The following SGCZ variants were observed in gnomAD, a reference collection of about 807,000 sequenced individuals.
SGCZ encodes zeta-sarcoglycan.
In SGCZ, 40 loss-of-function variants were observed where a neutral mutation model predicts 41.3. The ratio of observed to expected loss-of-function variants is 0.97; its 90% CI spans 0.75 to 1.26. The LOEUF (loss-of-function observed/expected upper bound fraction) is 1.26, where lower values mean the gene tolerates loss of function less well. Among genes scored for constraint, SGCZ ranks in the 50% most tolerant of loss-of-function variants. SGCZ has a pLI of 0.00. For synonymous variants in SGCZ, 206 were observed against 137.5 expected (o/e 1.50, Z -3.49); for missense variants, 552 against 369.8 (o/e 1.49, Z -4.04).
intron 1 of SGCZ, among the ~76,000 whole-genome samples, chr8:15,120,193 C>T (rs947626231): frequency 6.6e-5 from 10 of 152,116 alleles, no homozygotes; most frequent in Middle Eastern, 3.2e-3. Context: ...TGCCAATGAA[C>T]GAATGATAAA....
chr8:14,151,303 A>G (rs1803701675), intron 5 of SGCZ, among the ~76,000 whole-genome samples: 1 of 152,116 alleles, frequency 6.6e-6, no homozygotes, highest in Admixed American at 6.6e-5. Context: ...TATGCATACT[A>G]TATGCCAAAG....
chr8:14,347,187 G>A lies in SGCZ; in HGVS notation c.235-22983C>T, dbSNP rs556425183. ...CTACTCATTTTTCTTAGAAGTCTAC[G>A]ATCTAACATTTGATAGAGCCTGGCA... On this transcript the variant is annotated intron_variant, in intron 2 of 7. Coordinates refer to ENST00000382080, the MANE Select transcript of SGCZ (RefSeq NM_139167.4). Among the ~76,000 whole-genome samples the A allele has an allele frequency of 2.6e-5, 4 of 152,026 alleles. No homozygotes were observed. The East Asian group carries it at 7.8e-4, about 29-fold the overall frequency.
intron 1 of SGCZ, among the ~76,000 whole-genome samples, chr8:14,799,929 G>A (rs1479352793): frequency 6.6e-6 from 1 of 152,076 alleles, no homozygotes; most frequent in Non-Finnish European, 1.5e-5. Flanking sequence ...GCCTTTCGTT[G>A]ATAAGTATTA....
intron 5 of SGCZ, among the ~76,000 whole-genome samples, chr8:14,158,937 T>G (rs1386383141): frequency 1.3e-5 from 2 of 152,016 alleles, no homozygotes; most frequent in Non-Finnish European, 2.9e-5. Context: ...CTGGCTAATT[T>G]TTGTAGTTTT....
chr8:15,007,708 T>C (rs1428878844), intron 1 of SGCZ, among the ~76,000 whole-genome samples: 2 of 152,200 alleles, frequency 1.3e-5, no homozygotes, highest in African/African-American at 2.4e-5. Context: ...AGCATGCATG[T>C]GTCATAATAT....
At chr8:14,648,992 T>C (rs1023878184) in intron 1 of SGCZ, among the ~76,000 whole-genome samples, 1 of 152,116 alleles carries the variant, frequency 6.6e-6, no homozygotes, top group Admixed American at 6.6e-5. Context: ...TTTATACTTT[T>C]TCCCCCAACA....
At chr8:14,864,236 C>T (rs908040301) in intron 1 of SGCZ, among the ~76,000 whole-genome samples, 1 of 151,646 alleles carries the variant, frequency 6.6e-6, no homozygotes, top group Admixed American at 6.6e-5. Flanking sequence ...CCACCACTTA[C>T]ATGTTTCCTA....
chr8:14,775,849 T>C (rs1800386096), intron 1 of SGCZ, among the ~76,000 whole-genome samples: 1 of 152,122 alleles, frequency 6.6e-6, no homozygotes, highest in Admixed American at 6.5e-5. Flanking sequence ...AAACAGAACA[T>C]CTTTAATGTG....
intron 1 of SGCZ, among the ~76,000 whole-genome samples, chr8:14,746,283 T>A (rs2130299664): frequency 6.6e-6 from 1 of 152,212 alleles, no homozygotes; most frequent in Middle Eastern, 3.4e-3. Context: ...TACACAAGAT[T>A]TTTCACGTTC....
intron 1 of SGCZ, among the ~76,000 whole-genome samples, chr8:14,588,022 A>G (rs765474366): frequency 1.3e-5 from 2 of 152,148 alleles, no homozygotes; most frequent in Admixed American, 6.5e-5. Flanking sequence ...AAGTTGAGCG[A>G]TAATATTAGA....
chr8:14,678,886 G>C (rs549918862), intron 1 of SGCZ, among the ~76,000 whole-genome samples: 4 of 152,262 alleles, frequency 2.6e-5, no homozygotes, highest in South Asian at 4.1e-4. Flanking sequence ...AAAAGATATA[G>C]AGAAAACTTA....
chr8:14,849,588 G>A (rs1803246262), intron 1 of SGCZ, among the ~76,000 whole-genome samples: 1 of 152,102 alleles, frequency 6.6e-6, no homozygotes, highest in Admixed American at 6.6e-5. Flanking sequence ...TGAAGAAAAT[G>A]CAAACTAATC....
chr8:14,571,685 C>G (rs1804560038), intron 1 of SGCZ, among the ~76,000 whole-genome samples: 1 of 152,144 alleles, frequency 6.6e-6, no homozygotes, highest in Non-Finnish European at 1.5e-5. Context: ...GCCTAATGAT[C>G]TGAAAAGGCC....
chr8:14,948,482 G>A (rs1438358529), intron 1 of SGCZ, among the ~76,000 whole-genome samples: 1 of 152,054 alleles, frequency 6.6e-6, no homozygotes, highest in African/African-American at 2.4e-5. Flanking sequence ...GAGAGAGAGA[G>A]AGAGAGAGAG....
Position 14,087,476 on chromosome 8 carries a change from T to G in SGCZ, c.*2967A>C, listed in dbSNP as rs754820673. Reference sequence around the variant, plus strand: ...AAAACTACCAACCTCTTTTTCTTCTTCCGTTTGTTCCTTCCTGGCGTACAC... The same window carrying G: ...AAAACTACCAACCTCTTTTTCTTCTGCCGTTTGTTCCTTCCTGGCGTACAC... On this transcript the variant is annotated 3_prime_UTR_variant, in exon 8 of 8. Coordinates refer to ENST00000382080, the MANE Select transcript of SGCZ (RefSeq NM_139167.4). Among the ~76,000 whole-genome samples, 2 of 151,614 alleles carry G rather than the reference T, an allele frequency of 1.3e-5. No homozygotes were observed. The highest frequency in any genetic ancestry group is 3.0e-5 in the Non-Finnish European group (2 of 67,738).
chr8:15,236,260 T>A (rs1802115351), intron 1 of SGCZ, among the ~76,000 whole-genome samples: 1 of 152,154 alleles, frequency 6.6e-6, no homozygotes, highest in Admixed American at 6.5e-5. Flanking sequence ...TCCCCGTCTA[T>A]GCAATCTGGG....
intron 1 of SGCZ, among the ~76,000 whole-genome samples, chr8:15,026,875 A>T (rs1451814685): frequency 6.6e-6 from 1 of 152,182 alleles, no homozygotes; most frequent in Non-Finnish European, 1.5e-5. Context: ...ATGAGGTAGA[A>T]TATTGAAGCG....
chr8:14,703,989 T>C (rs764720838), intron 1 of SGCZ, among the ~76,000 whole-genome samples: 10 of 152,058 alleles, frequency 6.6e-5, no homozygotes, highest in Non-Finnish European at 1.2e-4. Context: ...TTAATAATTG[T>C]GATTCTTTCT....
intron 1 of SGCZ, among the ~76,000 whole-genome samples, chr8:15,096,949 C>T (rs2168124): frequency 0.97 from 148,314 of 152,206 alleles, 72,326 homozygotes; most frequent in Middle Eastern, 1. Context: ...CCTCCCAAAG[C>T]AGTGGGATTA....
Sources: allele counts gnomAD v4.1 joint callset (sites outside exome capture counted in the v4.1 genomes callset), GRCh38; gene constraint gnomAD v4.1.1; transcripts MANE v1.5; gene names NCBI Gene and HGNC (gene_info 2026-07-23, HGNC 2026-07-21).